Variants in KIF15 observed in about 807,000 individuals in gnomAD.
The protein encoded by KIF15 is kinesin-like protein KIF15.
Under a neutral mutation model 190.6 loss-of-function variants are expected in KIF15, and 140 were observed. The observed-to-expected ratio is 0.73, with a 90% CI of 0.64 to 0.84. KIF15 has a LOEUF of 0.84. Ranked by LOEUF, KIF15 falls within the 40% of genes least tolerant of loss-of-function variation. The pLI, the probability that KIF15 is intolerant of heterozygous loss-of-function variation, is 0.00. For missense variants in KIF15, 1,372 were observed against 1,584.4 expected, an observed-to-expected ratio of 0.87 and a Z score of 2.28; for synonymous variants, 528 against 551.3, an observed-to-expected ratio of 0.96 and a Z score of 0.59.
intron 32 of KIF15, among the ~76,000 whole-genome samples, chr3:44,849,967 G>T (rs1699005254): frequency 6.6e-6 from 1 of 152,016 alleles, no homozygotes; most frequent in African/African-American, 2.4e-5. Context: ...TTTTTCTGTT[G>T]TACTTCTCAA....
intron 24 of KIF15, among the ~76,000 whole-genome samples, chr3:44,829,438 A>G (rs544922160): frequency 6.5e-5 from 9 of 138,922 alleles, no homozygotes; most frequent in South Asian, 6.3e-4. Flanking sequence ...ATATATATGT[A>G]TATATTATAT....
intron 1 of KIF15, among the ~76,000 whole-genome samples, chr3:44,773,076 T>A (rs970356941): frequency 6.6e-6 from 1 of 151,766 alleles, no homozygotes. Flanking sequence ...TTTTTCATAA[T>A]TGAAACCTTA....
intron 4 of KIF15, 121 bp downstream of exon 4, chr3:44,778,312 C>T: frequency 2.5e-6 from 2 of 807,502 alleles, no homozygotes; most frequent in Non-Finnish European, 2.1e-6. Flanking sequence ...TGTTACAGTT[C>T]TGTAAGTGAA....
intron 16 of KIF15, 106 bp from the exon 17 acceptor site, chr3:44,810,740 C>T: frequency 4.3e-6 from 4 of 939,670 alleles, no homozygotes; most frequent in Non-Finnish European, 6.3e-6. Flanking sequence ...TTTTTCCTTT[C>T]TTTTCATGAA....
chr3:44,837,060 G>A (rs1448267237), intron 26 of KIF15, among the ~76,000 whole-genome samples: 1 of 152,174 alleles, frequency 6.6e-6, no homozygotes, highest in Non-Finnish European at 1.5e-5. Flanking sequence ...ACTCAGATAA[G>A]ACAAATGTAA....
chr3:44,800,496 G>A, intron 11 of KIF15, 59 bp downstream of exon 11: 2 of 1,570,082 alleles, frequency 1.3e-6, no homozygotes, highest in East Asian at 2.3e-5. Context: ...TAGTTTAAGA[G>A]CCCTTGGTGA....
At chr3:44,817,226 C>T (rs899276417) in intron 20 of KIF15, among the ~76,000 whole-genome samples, 3 of 152,190 alleles carry the variant, frequency 2.0e-5, no homozygotes, top group African/African-American at 4.8e-5. Flanking sequence ...TTTTGCTGTG[C>T]AGAGGCTCTT....
At chr3:44,775,788 A>T (rs1213140036) in intron 3 of KIF15, among the ~76,000 whole-genome samples, 1 of 151,528 alleles carries the variant, frequency 6.6e-6, no homozygotes, top group Admixed American at 6.6e-5. Flanking sequence ...AAGCCTCCAA[A>T]TTTCATTTCT....
rs1419863658 is a variant in KIF15, at chr3:44,829,421, A to G, written c.2944-550A>G. ...GTGTATGTATATATATTACATATGT[A>G]TATATAATATATATGTATATATTAT... On this transcript the variant is annotated intron_variant, in intron 24 of 34. Transcript: ENST00000326047. Among the ~76,000 whole-genome samples the G allele has an allele frequency of 2.4e-3, 336 of 140,108 alleles. 2 individuals are homozygous for G. The highest frequency in any genetic ancestry group is 8.6e-3 in the African/African-American group (323 of 37,650). 91.9% of individuals were successfully genotyped at this position (140,108 alleles called of 152,430 possible). A position where few individuals can be genotyped will look rare whatever the true frequency, so the allele number is the denominator to read the frequency against.
chr3:44,804,404 G>T (rs1217377991), intron 14 of KIF15, among the ~76,000 whole-genome samples: 1 of 152,188 alleles, frequency 6.6e-6, no homozygotes, highest in Non-Finnish European at 1.5e-5. Flanking sequence ...CTACCTGATA[G>T]ATGATACCGG....
intron 30 of KIF15, among the ~76,000 whole-genome samples, chr3:44,846,404 T>G (rs986213998): frequency 6.6e-6 from 1 of 152,230 alleles, no homozygotes; most frequent in African/African-American, 2.4e-5. Context: ...TAATGTGTTT[T>G]TTTTTTCCTT....
chr3:44,786,916 G>GTTGC (rs1706435633), intron 7 of KIF15, among the ~76,000 whole-genome samples: 1 of 152,064 alleles, frequency 6.6e-6, no homozygotes, highest in African/African-American at 2.4e-5. Flanking sequence ...TCTTTTCTAC[G>GTTGC]TTGCTTGCTT....
chr3:44,814,009 A>G (rs1472013173), intron 19 of KIF15, among the ~76,000 whole-genome samples: 4 of 152,106 alleles, frequency 2.6e-5, no homozygotes, highest in African/African-American at 7.2e-5. Context: ...ATATATTTGT[A>G]TATGTTTGTA....
At chr3:44,859,596 G>T (rs1158819332) in intron 6 of KIF15, among the ~76,000 whole-genome samples, 1 of 152,190 alleles carries the variant, frequency 6.6e-6, no homozygotes, top group Non-Finnish European at 1.5e-5. Flanking sequence ...GCAGGTTGAG[G>T]CTGCAGTGAG....
chr3:44,860,663 T>C (rs1699231643), intron 6 of KIF15, among the ~76,000 whole-genome samples: 1 of 151,744 alleles, frequency 6.6e-6, no homozygotes, highest in South Asian at 2.1e-4. Context: ...TGAGCCACCG[T>C]GCCTGGCCTT....
downstream of KIF15, among the ~76,000 whole-genome samples, chr3:44,858,244 G>A (rs1699207606): frequency 6.6e-6 from 1 of 152,174 alleles, no homozygotes; most frequent in Non-Finnish European, 1.5e-5. Flanking sequence ...GGGTGGATAG[G>A]CAAAATAATT....
intron 29 of KIF15, among the ~76,000 whole-genome samples, chr3:44,841,525 G>C (rs1004223183): frequency 6.6e-6 from 1 of 151,676 alleles, no homozygotes; most frequent in Non-Finnish European, 1.5e-5. Flanking sequence ...AGCCTCCCGA[G>C]TAGCTGGGAC....
chr3:44,838,415 G>C lies in KIF15; in HGVS notation c.3312G>C (p.Gln1104His). ...AGGAAGCCCTGATTCAGGAACTTCA[G>C]CACAAGGTGAGAAACACACAGGTGT... The part of the protein sequence containing the change: ...TKKEALIQEL[Q>H]HKLNQKKEEV... Residue 1104 changes from glutamine to histidine, a missense_variant, in exon 27 of 35, where the codon CAG (glutamine) becomes CAC (histidine). Transcript: ENST00000326047. The C allele has an allele frequency of 1.9e-6, 3 of 1,612,234 alleles. No homozygotes were observed. In the Middle Eastern group the frequency reaches 5.0e-4, roughly 267 times the overall value.
chr3:44,768,622 C>T (rs1169846491), intron 1 of KIF15, among the ~76,000 whole-genome samples: 1 of 152,114 alleles, frequency 6.6e-6, no homozygotes. Flanking sequence ...ACCCGGCAGG[C>T]GTTTGGCTGT....
Sources: gnomAD v4.1 joint callset for allele counts (sites outside exome capture counted in the v4.1 genomes callset) on GRCh38, gnomAD v4.1.1 for gene constraint, MANE v1.5 for transcripts, NCBI Gene and HGNC (gene_info 2026-07-23, HGNC 2026-07-21) for gene names.